The following SLC8A3 variants were observed in gnomAD, a reference collection of about 807,000 sequenced individuals.
The protein encoded by SLC8A3 is solute carrier family 8 member A3, also known as sodium/calcium exchanger 3.
SLC8A3 carries 37 observed loss-of-function variants against 65.4 expected under a neutral mutation model. The observed-to-expected ratio is 0.57, with a 90% CI of 0.44 to 0.74. The LOEUF is 0.74. SLC8A3 is among the 30% of genes least tolerant of loss of function. SLC8A3 has a pLI of 0.00. For synonymous variants in SLC8A3, 461 were observed against 444.5 expected, an observed-to-expected ratio of 1.04 and a Z score of -0.47; for missense variants, 1,112 against 1,172.1, an observed-to-expected ratio of 0.95 and a Z score of 0.75.
chr14:70,186,356 C>T lies in SLC8A3; in HGVS notation c.-63+2023G>A, dbSNP rs138164437. Among the ~76,000 whole-genome samples the T allele has an allele frequency of 8.1e-4, 124 of 152,190 alleles. 1 individual carries two copies. Among genetic ancestry groups the T allele is most frequent in the African/African-American group, 2.5e-3 (104 of 41,504 alleles). ...TATGTCTTTATTACCAGTGTGAGAA[C>T]GGACTAATACAGGTGTATAATAAGC... is the stretch of plus-strand genomic sequence containing the variant. On this transcript the variant is annotated intron_variant, in intron 1 of 6. Transcript: ENST00000356921.
At chr14:70,113,581 T>G (rs1566788285) in intron 2 of SLC8A3, among the ~76,000 whole-genome samples, 1 of 152,234 alleles carries the variant, frequency 6.6e-6, no homozygotes, top group Non-Finnish European at 1.5e-5. Context: ...ATTTATAAAG[T>G]CATTTGTATT....
chr14:70,060,698 A>C (rs1888690138), intron 3 of SLC8A3, 138 bp downstream of exon 3: 1 of 764,012 alleles, frequency 1.3e-6, no homozygotes, highest in Non-Finnish European at 2.4e-6. Flanking sequence ...TCCATTGGTC[A>C]AAAAGAGAAA....
At chr14:70,060,476 G>A (rs1888661908) in intron 3 of SLC8A3, among the ~76,000 whole-genome samples, 1 of 152,152 alleles carries the variant, frequency 6.6e-6, no homozygotes, top group African/African-American at 2.4e-5. Context: ...GTAGGGGTGG[G>A]GTGGGGGAGA....
intron 2 of SLC8A3, among the ~76,000 whole-genome samples, chr14:70,113,143 G>T (rs1318921703): frequency 1.1e-4 from 12 of 112,836 alleles, no homozygotes; most frequent in Non-Finnish European, 7.7e-5. Context: ...TTAACAACTG[G>T]GATACATTCT....
intron 2 of SLC8A3, among the ~76,000 whole-genome samples, chr14:70,062,174 C>A (rs898978519): frequency 6.6e-6 from 1 of 151,884 alleles, no homozygotes; most frequent in African/African-American, 2.4e-5. Context: ...GGGTAAAGAG[C>A]ATTTACCTAA....
chr14:70,098,661 A>G (rs1195754934), intron 2 of SLC8A3, among the ~76,000 whole-genome samples: 1 of 152,208 alleles, frequency 6.6e-6, no homozygotes, highest in Non-Finnish European at 1.5e-5. Flanking sequence ...CCTGGTCAGC[A>G]GCATCTTAAA....
At position 70,073,774 on chromosome 14, in the gene SLC8A3, G is replaced by A. The variant is rs549328348; in HGVS notation, c.1785-12835C>T. Among the ~76,000 whole-genome samples the A allele has an allele frequency of 1.3e-4, 20 of 152,202 alleles. No individual in the cohort carries two copies. In the South Asian group the frequency reaches 4.1e-3, roughly 32 times the overall value. ...TGTATTGTATACACGTGAAACACTG[G>A]GTCCAAACAAAACCTTCTAATAATT... On this transcript the variant is annotated intron_variant, in intron 2 of 6. Coordinates refer to ENST00000356921, the MANE Select transcript of SLC8A3 (RefSeq NM_182932.3).
rs766097676 is a variant in SLC8A3 at position 70,051,048 on chromosome 14, G to A, written c.2073C>T (p.Ser691=). Residue 691 remains serine, a synonymous_variant, in exon 5 of 7, where the codon TCC becomes TCT. Coordinates refer to ENST00000356921, the MANE Select transcript of SLC8A3 (RefSeq NM_182932.3). ...TGGCCTCCATGAACTGGTCCCTCCA[G>A]GAATGGGTCCCCACAACCAAGGCCA... ...TNLALVVGTH[S]WRDQFMEAIT... The A allele has an allele frequency of 5.6e-6, 9 of 1,613,558 alleles. No individual in the cohort carries two copies. In the Admixed American group the frequency reaches 6.7e-5, roughly 12 times the overall value.
rs140484003 is a variant in SLC8A3, at chr14:70,086,601, G to A, written c.1785-25662C>T. On this transcript the variant is annotated intron_variant, in intron 2 of 6. Transcript: ENST00000356921. ...TACTTTTTGGTAGAGACGGAGTTTC[G>A]CCATGTTGGCCAGGCTGGTCTCGAA... Among the ~76,000 whole-genome samples the A allele has an allele frequency of 2.2e-3, 338 of 151,828 alleles. 1 individual carries two copies. Among genetic ancestry groups the A allele is most frequent in the African/African-American group, 7.7e-3 (318 of 41,472 alleles).
chr14:70,189,272 C>T (rs1235105266), upstream of SLC8A3, among the ~76,000 whole-genome samples: 2 of 152,166 alleles, frequency 1.3e-5, no homozygotes, highest in African/African-American at 2.4e-5. Flanking sequence ...CCGCGCCTCC[C>T]GGCCGGCAGC....
chr14:70,046,015 C>T lies in SLC8A3; in HGVS notation c.2698G>A (p.Val900Met), dbSNP rs755293712. The T allele has an allele frequency of 2.5e-6, 4 of 1,613,326 alleles. No individual in the cohort carries two copies. The South Asian group carries it at 4.4e-5, about 18-fold the overall frequency. Residue 900 changes from valine (V) to methionine (M), a missense_variant, in exon 7 of 7, where the codon GTG (valine) becomes ATG (methionine). Coordinates refer to ENST00000356921, the MANE Select transcript of SLC8A3 (RefSeq NM_182932.3). This position sits in a 1 kb window ranked among gnomAD's most constrained non-coding sequence, Gnocchi z 4.2. The stretch of plus-strand genomic sequence containing the variant: ...AGTATGTAGAGGAGCCACAGGCTCA[C>T]AAAGAGCCATGTTGTGGCGAGCTTG... Reference protein sequence around the residue: ...GCKLATTWLFVSLWLLYILFA... With the variant: ...GCKLATTWLFMSLWLLYILFA...
intron 1 of SLC8A3, among the ~76,000 whole-genome samples, chr14:70,187,892 A>G (rs1287578191): frequency 1.3e-5 from 2 of 152,046 alleles, no homozygotes; most frequent in Non-Finnish European, 2.9e-5. Context: ...CGCCGAGTGG[A>G]TAACGCGCTT....
intron 3 of SLC8A3, among the ~76,000 whole-genome samples, chr14:70,055,202 T>A (rs1483678170): frequency 6.6e-6 from 1 of 152,062 alleles, no homozygotes; most frequent in Non-Finnish European, 1.5e-5. Context: ...CCATCCTAAT[T>A]CATCTTGTTC....
intron 2 of SLC8A3, among the ~76,000 whole-genome samples, chr14:70,100,873 G>A (rs1301674284): frequency 6.6e-6 from 1 of 152,214 alleles, no homozygotes; most frequent in Non-Finnish European, 1.5e-5. Context: ...CAAATCATCT[G>A]GCTTTTCTGT....
intron 4 of SLC8A3, among the ~76,000 whole-genome samples, 170 bp from the exon 5 acceptor site, chr14:70,051,277 T>G (rs573226466): frequency 1.3e-5 from 2 of 152,300 alleles, no homozygotes; most frequent in South Asian, 4.1e-4. Context: ...TTTCCCTTTG[T>G]TTTTGGTTGT....
chr14:70,116,995 G>C (rs1160376907), intron 2 of SLC8A3, among the ~76,000 whole-genome samples: 1 of 152,238 alleles, frequency 6.6e-6, no homozygotes, highest in Non-Finnish European at 1.5e-5. Flanking sequence ...AAACTGAGAT[G>C]TCTTACCACA....
intron 2 of SLC8A3, among the ~76,000 whole-genome samples, chr14:70,160,973 G>A (rs1033659691): frequency 2.0e-5 from 3 of 151,198 alleles, no homozygotes; most frequent in Middle Eastern, 3.2e-3. Context: ...GGTCGGGCAC[G>A]GTGGCTCACG....
At chr14:70,150,464 G>A (rs138736788) in intron 2 of SLC8A3, among the ~76,000 whole-genome samples, 57 of 152,218 alleles carry the variant, frequency 3.7e-4, no homozygotes, top group African/African-American at 1.3e-3. Flanking sequence ...TGATTTTATT[G>A]TGGCAATGAT....
rs1891647363 is a variant in SLC8A3 at position 70,089,167 on chromosome 14, T to C, written c.1785-28228A>G. Reference sequence around the variant, plus strand: ...AGGCCTTTTTCTAGAATGTTGTTACTTGTTCTCTTCCTTGCCCAGTTCCAC... The same window carrying C: ...AGGCCTTTTTCTAGAATGTTGTTACCTGTTCTCTTCCTTGCCCAGTTCCAC... On this transcript the variant is annotated intron_variant, in intron 2 of 6. Transcript: ENST00000356921. Among the ~76,000 whole-genome samples the C allele has an allele frequency of 2.0e-5, 3 of 152,332 alleles. No individual in the cohort carries two copies. In the South Asian group the frequency reaches 6.2e-4, roughly 32 times the overall value.
Sources: gnomAD v4.1 joint callset for allele counts (sites outside exome capture counted in the v4.1 genomes callset) on GRCh38, gnomAD v4.1.1 for gene constraint, Gnocchi (gnomAD v3.1) non-coding constraint, MANE v1.5 for transcripts, NCBI Gene and HGNC (gene_info 2026-07-23, HGNC 2026-07-21) for gene names.